MALRD1: variants seen among roughly 807,000 people sequenced by gnomAD.
MALRD1 encodes MAM and LDL receptor class A domain containing 1.
A neutral mutation model predicts 242.1 loss-of-function variants in MALRD1; 247 were observed. The observed-to-expected ratio is 1.02, with a 90% CI of 0.92 to 1.13. MALRD1 has a LOEUF of 1.13. Ranked by LOEUF, MALRD1 falls within the 50% of genes most tolerant of loss-of-function variation. MALRD1 has a pLI of 0.00. For missense variants in MALRD1, 2,989 were observed against 2,533.1 expected (o/e 1.18, Z -3.86); for synonymous variants, 995 against 866.6 (o/e 1.15, Z -2.60).
rs181202919 is a variant in MALRD1 at position 19,239,621 on chromosome 10, C to T, written c.2992-18063C>T. Among the ~76,000 whole-genome samples the T allele has an allele frequency of 1.8e-4, 27 of 152,150 alleles. No homozygotes were observed. The East Asian group carries it at 2.7e-3, about 15-fold the overall frequency. ...CACATGTTATCTCCTAGTAGTTTTT[C>T]GTAGTTTTCAATCTTACCTTTAGGT... On this transcript the variant is annotated intron_variant, in intron 18 of 39. Transcript: ENST00000454679.
chr10:19,091,791 C>G (rs2131305532), intron 4 of MALRD1, among the ~76,000 whole-genome samples: 1 of 90,354 alleles, frequency 1.1e-5, no homozygotes, highest in East Asian at 3.2e-4. Flanking sequence ...TATGTGGTGT[C>G]TTTGTTCTCG....
intron 29 of MALRD1, among the ~76,000 whole-genome samples, chr10:19,484,099 C>A (rs545450545): frequency 1.3e-5 from 2 of 152,180 alleles, no homozygotes; most frequent in Non-Finnish European, 2.9e-5. Context: ...AAGATGGCAA[C>A]AATAAACACT....
In MALRD1 at chr10:19,519,920, T is replaced by C. The variant is rs185944757; in HGVS notation, c.5321-11274T>C. Among the ~76,000 whole-genome samples, 321 of 152,328 alleles carry C rather than the reference T, an allele frequency of 2.1e-3. 1 individual carries two copies. The highest frequency in any genetic ancestry group is 6.8e-3 in the Middle Eastern group (2 of 294). ...GTTCTTACAGTTGCTATTGTTTACC[T>C]CTTTTTAAAGGAATAACATATAACT... On this transcript the variant is annotated intron_variant, in intron 31 of 39. Coordinates refer to ENST00000454679, the MANE Select transcript of MALRD1 (RefSeq NM_001142308.3).
intron 22 of MALRD1, among the ~76,000 whole-genome samples, chr10:19,325,532 C>T (rs1048546271): frequency 6.6e-6 from 1 of 151,716 alleles, no homozygotes; most frequent in Non-Finnish European, 1.5e-5. Flanking sequence ...GAGAATAATG[C>T]ATAAAGTTCG....
At chr10:19,362,211 T>A (rs1002544979) in intron 26 of MALRD1, among the ~76,000 whole-genome samples, 1 of 152,162 alleles carries the variant, frequency 6.6e-6, no homozygotes, top group African/African-American at 2.4e-5. Context: ...GTATCCAATT[T>A]ACTCCTATAA....
At chr10:19,592,130 T>C (rs956108710) in intron 33 of MALRD1, among the ~76,000 whole-genome samples, 1 of 152,200 alleles carries the variant, frequency 6.6e-6, no homozygotes, top group African/African-American at 2.4e-5. Flanking sequence ...TTCATTTTTA[T>C]GTTTGGGGAG....
At chr10:19,372,179 A>G (rs1195914958) in intron 26 of MALRD1, among the ~76,000 whole-genome samples, 2 of 152,186 alleles carry the variant, frequency 1.3e-5, no homozygotes, top group Admixed American at 6.5e-5. Context: ...CTTAATTGCA[A>G]TATTTATATA....
chr10:19,612,784 A>G (rs1838960244), intron 35 of MALRD1, among the ~76,000 whole-genome samples: 2 of 152,022 alleles, frequency 1.3e-5, no homozygotes, highest in South Asian at 4.2e-4. Flanking sequence ...AACACTTTCA[A>G]AAAACCAGAT....
chr10:19,505,104 A>C (rs73595823), intron 31 of MALRD1, among the ~76,000 whole-genome samples: 5,710 of 152,228 alleles, frequency 0.038, 373 homozygotes, highest in African/African-American at 0.13. Flanking sequence ...GCAGAGGAGG[A>C]GGAAGAGGGA....
chr10:19,240,621 A>G (rs1465458594), intron 18 of MALRD1, among the ~76,000 whole-genome samples: 1 of 152,062 alleles, frequency 6.6e-6, no homozygotes, highest in African/African-American at 2.4e-5. Context: ...GAAGTGGTAG[A>G]AGTTGACATC....
chr10:19,169,117 T>C (rs1834816102), intron 13 of MALRD1, among the ~76,000 whole-genome samples: 1 of 152,152 alleles, frequency 6.6e-6, no homozygotes, highest in Admixed American at 6.5e-5. Flanking sequence ...CCTGAACCAC[T>C]GTGAGGCCTT....
At chr10:19,645,746 G>A (rs1474628479) in intron 36 of MALRD1, among the ~76,000 whole-genome samples, 8 of 151,974 alleles carry the variant, frequency 5.3e-5, no homozygotes, top group Admixed American at 4.6e-4. Context: ...GAGGAGGGGG[G>A]AGGGATAGCA....
chr10:19,489,658 C>A (rs1250487728), intron 29 of MALRD1, among the ~76,000 whole-genome samples: 1 of 152,108 alleles, frequency 6.6e-6, no homozygotes, highest in African/African-American at 2.4e-5. Flanking sequence ...GGGATGCTTT[C>A]ACTGTCTTGG....
chr10:19,699,569 G>T (rs1339576385), intron 38 of MALRD1, among the ~76,000 whole-genome samples: 1 of 152,028 alleles, frequency 6.6e-6, no homozygotes, highest in Non-Finnish European at 1.5e-5. Context: ...TTGGGCTATT[G>T]TTGCATTGCT....
intron 18 of MALRD1, among the ~76,000 whole-genome samples, chr10:19,223,617 A>G (rs1405944804): frequency 6.6e-6 from 1 of 152,196 alleles, no homozygotes; most frequent in Non-Finnish European, 1.5e-5. Context: ...TGAAATAGGT[A>G]TACATGTGCT....
intron 5 of MALRD1, 73 bp from the exon 6 acceptor site, chr10:19,123,419 C>A: frequency 1.1e-6 from 1 of 877,222 alleles, no homozygotes; most frequent in Non-Finnish European, 1.5e-6. Flanking sequence ...TGAATATTAA[C>A]ATTAAAGCAA....
intron 28 of MALRD1, among the ~76,000 whole-genome samples, chr10:19,428,912 C>T (rs1834009726): frequency 6.6e-6 from 1 of 152,052 alleles, no homozygotes; most frequent in East Asian, 1.9e-4. Flanking sequence ...ACTCACTTGC[C>T]ATCAAATTTG....
intron 31 of MALRD1, among the ~76,000 whole-genome samples, chr10:19,522,214 C>A (rs997528414): frequency 1.3e-5 from 2 of 152,020 alleles, no homozygotes; most frequent in Admixed American, 6.6e-5. Flanking sequence ...TTCTTATGTT[C>A]TTCTTCTACA....
At chr10:19,566,119 T>C (rs1483041170) in intron 32 of MALRD1, among the ~76,000 whole-genome samples, 4 of 151,682 alleles carry the variant, frequency 2.6e-5, no homozygotes, top group African/African-American at 9.7e-5. Context: ...AGAATAAATT[T>C]TGGATATATA....
Sources: gnomAD v4.1 joint callset for allele counts (sites outside exome capture counted in the v4.1 genomes callset) on GRCh38, gnomAD v4.1.1 for gene constraint, MANE v1.5 for transcripts, NCBI Gene and HGNC (gene_info 2026-07-23, HGNC 2026-07-21) for gene names.